NCKAP5: variants seen among roughly 807,000 people sequenced by gnomAD.
NCKAP5 encodes nck-associated protein 5.
In NCKAP5, 92 loss-of-function variants were observed where a neutral mutation model predicts 167.0. The ratio of observed to expected loss-of-function variants is 0.55; its 90% CI spans 0.47 to 0.66. The LOEUF (loss-of-function observed/expected upper bound fraction) is 0.66, where lower values mean the gene tolerates loss of function less well. Among genes scored for constraint, NCKAP5 ranks in the 30% least tolerant of loss-of-function variants. The probability of loss-of-function intolerance (pLI) is 0.00; values close to 1 mark genes in which losing one functional copy is unlikely to be tolerated. For synonymous variants in NCKAP5, 891 were observed against 877.4 expected, an observed-to-expected ratio of 1.02 and a Z score of -0.27; for missense variants, 2,378 against 2,315.0, an observed-to-expected ratio of 1.03 and a Z score of -0.56.
intron 16 of NCKAP5, among the ~76,000 whole-genome samples, chr2:132,759,454 T>C (rs528212254): frequency 2.0e-5 from 3 of 152,192 alleles, no homozygotes; most frequent in Admixed American, 6.5e-5. Context: ...TTTATAAATG[T>C]GACCAAAATG....
intron 6 of NCKAP5, among the ~76,000 whole-genome samples, chr2:133,104,784 C>T (rs938425492): frequency 5.3e-5 from 8 of 152,180 alleles, no homozygotes; most frequent in African/African-American, 1.9e-4. Flanking sequence ...TCCTTTAGGA[C>T]TTTTAAGTGA....
At chr2:133,217,300 G>C (rs2086472132) in intron 4 of NCKAP5, among the ~76,000 whole-genome samples, 1 of 152,008 alleles carries the variant, frequency 6.6e-6, no homozygotes, top group Admixed American at 6.5e-5. Flanking sequence ...AAGTGAACAT[G>C]TCCGTATTAG....
rs543266735 is a variant in NCKAP5 at position 133,419,230 on chromosome 2, C to T, written c.69+98228G>A. Among the ~76,000 whole-genome samples, 5 of 152,194 alleles carry T rather than the reference C, an allele frequency of 3.3e-5. No individual in the cohort carries two copies. The South Asian group carries it at 1.0e-3, about 32-fold the overall frequency. The stretch of plus-strand genomic sequence containing the variant: ...ACATTTTACCAAATTCCTTTATTTT[C>T]CAAATAAGAAATAGATGGTCCAAGA... On this transcript the variant is annotated intron_variant, in intron 3 of 19. Coordinates refer to ENST00000409261, the MANE Select transcript of NCKAP5 (RefSeq NM_207363.3).
At chr2:133,659,214 TG>T in the NCKAP5 span, among the ~76,000 whole-genome samples, 2 of 152,114 alleles carry the variant, frequency 1.3e-5, no homozygotes, top group Non-Finnish European at 2.9e-5. Context: ...GTTAGACTCT[TG>T]ATGAAAACTG....
At chr2:133,373,248 A>AT (rs1298142065) in intron 3 of NCKAP5, among the ~76,000 whole-genome samples, 1 of 151,980 alleles carries the variant, frequency 6.6e-6, no homozygotes, top group Non-Finnish European at 1.5e-5. Flanking sequence ...TATTAGAGAC[A>AT]GGGTTTCACC....
intron 3 of NCKAP5, among the ~76,000 whole-genome samples, chr2:133,359,192 T>A (rs1684932086): frequency 6.6e-6 from 1 of 152,200 alleles, no homozygotes; most frequent in African/African-American, 2.4e-5. Context: ...CGGCTCCCAG[T>A]CTCCAGTTTC....
intron 6 of NCKAP5, among the ~76,000 whole-genome samples, chr2:133,086,879 C>T (rs2081010988): frequency 6.6e-6 from 1 of 152,132 alleles, no homozygotes; most frequent in South Asian, 2.1e-4. Context: ...TAGACACGAA[C>T]ATTTTATATT....
chr2:133,530,412 T>C (rs554351998), intron 2 of NCKAP5, among the ~76,000 whole-genome samples: 1 of 152,308 alleles, frequency 6.6e-6, no homozygotes, highest in Admixed American at 6.5e-5. Context: ...CATTTTTGTC[T>C]TCCATATCAA....
chr2:133,598,404 T>A, the NCKAP5 span, among the ~76,000 whole-genome samples: 1 of 152,288 alleles, frequency 6.6e-6, no homozygotes, highest in African/African-American at 2.4e-5. Flanking sequence ...GTATGGTACC[T>A]CAAATTGAGG....
intron 11 of NCKAP5, among the ~76,000 whole-genome samples, chr2:132,812,444 T>A (rs1685951976): frequency 1.3e-5 from 2 of 152,222 alleles, no homozygotes; most frequent in Admixed American, 6.5e-5. Flanking sequence ...GGACATAAAC[T>A]TAAGGACTGC....
At chr2:132,957,729 A>C (rs2076384881) in intron 8 of NCKAP5, among the ~76,000 whole-genome samples, 1 of 152,326 alleles carries the variant, frequency 6.6e-6, no homozygotes, top group East Asian at 1.9e-4. Context: ...TCTATGTAAA[A>C]TCTGACCATA....
chr2:133,601,990 T>G, the NCKAP5 span, among the ~76,000 whole-genome samples: 2 of 152,308 alleles, frequency 1.3e-5, no homozygotes, highest in South Asian at 4.2e-4. Flanking sequence ...GTCTAAATAA[T>G]GTTTTAAATA....
intron 3 of NCKAP5, among the ~76,000 whole-genome samples, chr2:133,390,688 A>G (rs1295641390): frequency 6.6e-6 from 1 of 152,178 alleles, no homozygotes; most frequent in African/African-American, 2.4e-5. Context: ...GCAAATTAAA[A>G]TCACTTTGGG....
chr2:133,472,493 C>G (rs1278566543), intron 3 of NCKAP5, among the ~76,000 whole-genome samples: 3 of 151,998 alleles, frequency 2.0e-5, no homozygotes, highest in East Asian at 1.9e-4. Flanking sequence ...CCTTTTTAGG[C>G]TCCCCTCCAC....
Position 133,331,123 on chromosome 2 carries a change from G to C in NCKAP5, c.70-28013C>G, listed in dbSNP as rs371899057. On this transcript the variant is annotated intron_variant, in intron 3 of 19. Transcript: ENST00000409261. ...AAGAATAAAAGATATCCTAATTGTC[G>C]TTGACTGATACAGAATTTTTTAGGC... Among the ~76,000 whole-genome samples, 89 of 152,228 alleles carry C rather than the reference G, an allele frequency of 5.8e-4. 1 individual carries two copies. The highest frequency in any genetic ancestry group is 1.8e-3 in the African/African-American group (75 of 41,534).
At chr2:133,545,890 C>T (rs905635684) in intron 2 of NCKAP5, among the ~76,000 whole-genome samples, 1 of 152,086 alleles carries the variant, frequency 6.6e-6, no homozygotes, top group Non-Finnish European at 1.5e-5. Context: ...CAGGAAAATA[C>T]TGTTGTTTTT....
intron 4 of NCKAP5, among the ~76,000 whole-genome samples, chr2:133,243,168 C>T (rs1316796201): frequency 6.6e-6 from 1 of 152,032 alleles, no homozygotes; most frequent in African/African-American, 2.4e-5. Flanking sequence ...AGTGCAACCC[C>T]CATTTTTTAA....
Position 132,732,018 on chromosome 2 carries a change from C to A in NCKAP5, c.5162G>T (p.Gly1721Val). Residue 1721 changes from glycine (G) to valine (V), a missense_variant, in exon 17 of 20, where the codon GGG becomes GTG. Coordinates refer to ENST00000409261, the MANE Select transcript of NCKAP5 (RefSeq NM_207363.3). ...GTCTGGGAGTGGAAAGGTTCCGATC[C>A]CACTGTCCAATGTTCTCATCTGGCA... ...SNCQMRTLDS[G>V]IGTFPLPDSG... 6.2e-7 allele frequency: 1 copy of A among 1,613,382 alleles called. No individual in the cohort carries two copies. The highest frequency in any genetic ancestry group is 8.5e-7 in the Non-Finnish European group (1 of 1,179,654).
intron 4 of NCKAP5, among the ~76,000 whole-genome samples, chr2:133,264,070 C>G (rs774838708): frequency 1.3e-5 from 2 of 152,336 alleles, no homozygotes; most frequent in South Asian, 2.1e-4. Flanking sequence ...CAGCAGTTCA[C>G]CAGGCCACTG....
Sources: allele counts gnomAD v4.1 joint callset (sites outside exome capture counted in the v4.1 genomes callset), GRCh38; gene constraint gnomAD v4.1.1; transcripts MANE v1.5; gene names NCBI Gene and HGNC (gene_info 2026-07-23, HGNC 2026-07-21).